Variants in OPN3 observed in about 807,000 individuals in gnomAD.
OPN3 encodes opsin-3.
In OPN3, 29 loss-of-function variants were observed where a neutral mutation model predicts 33.8. The observed-to-expected ratio is 0.86, with a 90% CI of 0.64 to 1.17. The LOEUF (loss-of-function observed/expected upper bound fraction) is 1.17. OPN3 is among the 50% of genes most tolerant of loss of function. The pLI is 0.00. For missense variants in OPN3, 437 were observed against 514.1 expected (o/e 0.85, Z 1.45); for synonymous variants, 216 against 216.1 (o/e 1.00, Z 0.00).
chr1:241,598,045 G>A (rs1170815838), intron 2 of OPN3, 48 bp from the exon 3 acceptor site: 1 of 1,578,078 alleles, frequency 6.3e-7, no homozygotes, highest in Non-Finnish European at 8.6e-7. Context: ...CAAAAGAAGG[G>A]TTTCTTTTGT....
At chr1:241,604,237 G>A (rs545967068) in intron 2 of OPN3, 23 bp downstream of exon 2, 1 of 1,597,096 alleles carries the variant, frequency 6.3e-7, no homozygotes, top group Non-Finnish European at 8.6e-7. Context: ...TTGGGAGGGG[G>A]GCATCTGTAG....
intron 1 of OPN3, among the ~76,000 whole-genome samples, chr1:241,615,550 C>T (rs1434820861): frequency 1.3e-5 from 2 of 152,154 alleles, no homozygotes; most frequent in Non-Finnish European, 2.9e-5. Context: ...TTTCTAAATT[C>T]ATTTCTGTGC....
intron 1 of OPN3, chr1:241,631,400 T>A (rs1388990897): frequency 1.3e-5 from 2 of 152,118 alleles, no homozygotes; most frequent in Non-Finnish European, 2.9e-5. Context: ...TTATTTATCA[T>A]CTTATGTATT....
At chr1:241,611,571 C>T (rs1663998049) in intron 1 of OPN3, among the ~76,000 whole-genome samples, 1 of 151,402 alleles carries the variant, frequency 6.6e-6, no homozygotes, top group Admixed American at 6.6e-5. Flanking sequence ...GAGAAAACAG[C>T]TTATGTAAAT....
chr1:241,596,857 C>T (rs1663532090), intron 3 of OPN3, among the ~76,000 whole-genome samples: 1 of 152,212 alleles, frequency 6.6e-6, no homozygotes. Flanking sequence ...CAGGGTCTCG[C>T]TCTGTCGCCC....
intron 1 of OPN3, chr1:241,635,652 A>G: frequency 6.2e-7 from 1 of 1,614,084 alleles, no homozygotes; most frequent in Non-Finnish European, 8.5e-7. Context: ...TAGCTTCTTG[A>G]ATCAATATGC....
chr1:241,612,001 T>C (rs1157346362), intron 1 of OPN3, among the ~76,000 whole-genome samples: 1 of 152,176 alleles, frequency 6.6e-6, no homozygotes, highest in East Asian at 1.9e-4. Flanking sequence ...TTAATCTTTG[T>C]TGGCTGTGGG....
At chr1:241,637,437 C>T (rs919221022) in intron 1 of OPN3, among the ~76,000 whole-genome samples, 1 of 152,200 alleles carries the variant, frequency 6.6e-6, no homozygotes, top group Admixed American at 6.5e-5. Flanking sequence ...CAGCAGTTGC[C>T]TGGCCCACTC....
intron 1 of OPN3, among the ~76,000 whole-genome samples, chr1:241,612,651 G>C (rs569887411): frequency 6.6e-6 from 1 of 152,258 alleles, no homozygotes; most frequent in South Asian, 2.1e-4. Context: ...CAAAATTATA[G>C]TTCCCCTTAA....
Position 241,640,038 on chromosome 1 carries a change from G to T in OPN3, c.217C>A (p.Arg73Ser), listed in dbSNP as rs1328966319. ...LVLYYKFQRL[R>S]TPTHLLLVNI... ...ACCAGGAGGAGGTGAGTGGGAGTGCGGAGCCGCTGGAACTTGTAGTAGAGG... is the reference window on the plus strand; with the variant it reads ...ACCAGGAGGAGGTGAGTGGGAGTGCTGAGCCGCTGGAACTTGTAGTAGAGG... The change falls in exon 1 of 4, where the codon CGC (arginine) becomes AGC (serine). Residue 73 changes from arginine (R) to serine (S), a missense_variant. Transcript: ENST00000366554. 3.1e-6 allele frequency: 5 copies of T among 1,613,188 alleles called. No homozygotes were observed. The African/African-American group carries it at 4.0e-5, about 13-fold the overall frequency.
At chr1:241,635,203 C>T (rs1464774255) in intron 1 of OPN3, 1 of 1,613,040 alleles carries the variant, frequency 6.2e-7, no homozygotes, top group Admixed American at 1.7e-5. Flanking sequence ...AAACTGTGTG[C>T]ATACAAGTTT....
At chr1:241,635,762 G>C in intron 1 of OPN3, 1 of 1,606,944 alleles carries the variant, frequency 6.2e-7, no homozygotes, top group South Asian at 1.1e-5. Context: ...AAGATTGTCC[G>C]CCATTTTAGG....
chr1:241,597,609 C>T, intron 3 of OPN3, 137 bp downstream of exon 3: 2 of 751,256 alleles, frequency 2.7e-6, no homozygotes, highest in South Asian at 2.8e-5. Flanking sequence ...ACATTTCTTC[C>T]AGATCCCTTT....
In OPN3 at chr1:241,633,888, C is replaced by T. The variant is rs763138761; in HGVS notation, c.373+5994G>A. 1.2e-6 allele frequency: 2 copies of T among 1,613,828 alleles called. No homozygotes were observed. Among genetic ancestry groups the T allele is most frequent in the Non-Finnish European group, 1.7e-6 (2 of 1,179,778 alleles). Reference sequence around the variant, plus strand: ...ATTACTACATTATTGGTTCCAGGAGCCTCTGGCTGCTTATCATCACCATCA... The same window carrying T: ...ATTACTACATTATTGGTTCCAGGAGTCTCTGGCTGCTTATCATCACCATCA... On this transcript the variant is annotated intron_variant, in intron 1 of 3. Coordinates refer to ENST00000366554, the MANE Select transcript of OPN3 (RefSeq NM_014322.3).
intron 1 of OPN3, among the ~76,000 whole-genome samples, chr1:241,609,633 CAT>C (rs753981555): frequency 2.6e-5 from 4 of 152,170 alleles, no homozygotes; most frequent in Non-Finnish European, 5.9e-5. Flanking sequence ...GATATGTGAT[CAT>C]ATGTCAAAGT....
intron 1 of OPN3, chr1:241,632,816 T>C (rs1459129840): frequency 1.3e-5 from 2 of 152,104 alleles, no homozygotes; most frequent in Non-Finnish European, 2.9e-5. Context: ...CCTTGGGTAA[T>C]CTATTTATAG....
At chr1:241,611,382 A>G (rs1663988827) in intron 1 of OPN3, among the ~76,000 whole-genome samples, 1 of 152,014 alleles carries the variant, frequency 6.6e-6, no homozygotes. Flanking sequence ...AGGAGGTAGA[A>G]GGAGAAACTC....
intron 1 of OPN3, among the ~76,000 whole-genome samples, chr1:241,627,028 AAT>A (rs1403448539): frequency 6.6e-6 from 1 of 152,162 alleles, no homozygotes; most frequent in Non-Finnish European, 1.5e-5. Flanking sequence ...CTTAATATTA[AAT>A]AGTTGTCCAG....
intron 1 of OPN3, chr1:241,629,278 T>C (rs1664523104): frequency 6.6e-6 from 1 of 152,142 alleles, no homozygotes; most frequent in African/African-American, 2.4e-5. Context: ...AGATCAGTTA[T>C]AAAGCCCTTT....
Sources: allele counts gnomAD v4.1 joint callset (sites outside exome capture counted in the v4.1 genomes callset), GRCh38; gene constraint gnomAD v4.1.1; transcripts MANE v1.5; gene names NCBI Gene and HGNC (gene_info 2026-07-23, HGNC 2026-07-21).